The following STK31 variants were observed in gnomAD, a reference collection of about 807,000 sequenced individuals.
The protein encoded by STK31 is serine/threonine kinase 31, also known as serine/threonine-protein kinase 31.
STK31 carries 89 observed loss-of-function variants against 129.7 expected under a neutral mutation model. That is an observed-to-expected ratio of 0.69 (90% CI 0.58 to 0.82). STK31 has a LOEUF of 0.82. Ranked by LOEUF, STK31 falls within the 40% of genes least tolerant of loss-of-function variation. STK31 has a pLI of 0.00. For missense variants in STK31, 1,187 were observed against 1,176.4 expected, an observed-to-expected ratio of 1.01 and a Z score of -0.13; for synonymous variants, 448 against 395.3, an observed-to-expected ratio of 1.13 and a Z score of -1.58.
chr7:23,789,457 C>A (rs151198180), intron 21 of STK31, among the ~76,000 whole-genome samples: 4 of 151,930 alleles, frequency 2.6e-5, no homozygotes, highest in African/African-American at 9.7e-5. Context: ...TGAGCAATTC[C>A]CTTTGACTAG....
intron 10 of STK31, among the ~76,000 whole-genome samples, chr7:23,758,791 A>G (rs1789270760): frequency 6.6e-6 from 1 of 152,088 alleles, no homozygotes. Context: ...TGAGTGAGCA[A>G]TACTAACCTT....
At chr7:23,727,366 G>A (rs764926232) in intron 5 of STK31, 51 bp downstream of exon 5, 17 of 1,554,414 alleles carry the variant, frequency 1.1e-5, no homozygotes, top group Non-Finnish European at 1.5e-5. Context: ...TATTTATTGT[G>A]GTTCAAAAAT....
intron 22 of STK31, among the ~76,000 whole-genome samples, chr7:23,799,291 T>C (rs1294311432): frequency 1.1e-4 from 17 of 152,178 alleles, no homozygotes; most frequent in African/African-American, 7.2e-5. Flanking sequence ...AAGACAATCC[T>C]AAGCAGAAAG....
chr7:23,830,595 TGTGTGTGTGTGTG>T (rs1794486321), intron 23 of STK31, among the ~76,000 whole-genome samples: 4 of 106,582 alleles, frequency 3.8e-5, no homozygotes, highest in African/African-American at 1.4e-4. Context: ...TTCCATGTTG[TGTGTGTGTGTGTG>T]TGTGTGTGTG....
chr7:23,816,211 A>G (rs1185482905), intron 23 of STK31, among the ~76,000 whole-genome samples: 1 of 152,162 alleles, frequency 6.6e-6, no homozygotes, highest in Non-Finnish European at 1.5e-5. Context: ...GTGGAAGGGG[A>G]TAACAAAGAA....
chr7:23,731,708 T>C (rs1787442271), intron 6 of STK31, among the ~76,000 whole-genome samples: 2 of 152,198 alleles, frequency 1.3e-5, no homozygotes, highest in Admixed American at 6.5e-5. Flanking sequence ...GGTAGTTTGC[T>C]GAAGATCGAG....
intron 22 of STK31, among the ~76,000 whole-genome samples, chr7:23,814,610 T>C (rs911343121): frequency 2.0e-5 from 3 of 151,924 alleles, no homozygotes; most frequent in Non-Finnish European, 4.4e-5. Flanking sequence ...AGGGTAAGAG[T>C]GGTCATTGGC....
At chr7:23,718,186 A>G (rs1018406730) in intron 4 of STK31, among the ~76,000 whole-genome samples, 1 of 152,196 alleles carries the variant, frequency 6.6e-6, no homozygotes, top group African/African-American at 2.4e-5. Context: ...AAGTGAAGAA[A>G]ACGTATGTAC....
At chr7:23,825,899 T>C (rs549883709) in intron 23 of STK31, among the ~76,000 whole-genome samples, 1 of 152,292 alleles carries the variant, frequency 6.6e-6, no homozygotes, top group African/African-American at 2.4e-5. Flanking sequence ...TTCCATGTAG[T>C]TGAGTGGTTT....
At chr7:23,721,886 A>G in intron 4 of STK31, 1 of 436,874 alleles carries the variant, frequency 2.3e-6, no homozygotes, top group South Asian at 2.1e-5. Flanking sequence ...AAGCTTGTGC[A>G]TGCGTCACGT....
At chr7:23,736,540 C>T (rs117657517) in intron 7 of STK31, among the ~76,000 whole-genome samples, 5,905 of 28,146 alleles carry the variant, frequency 0.21, 231 homozygotes, top group Admixed American at 0.39. Flanking sequence ...GGGTGGGAGG[C>T]GGTGGACGGG....
chr7:23,809,738 T>C (rs548138787), intron 22 of STK31, among the ~76,000 whole-genome samples: 1 of 152,350 alleles, frequency 6.6e-6, no homozygotes, highest in African/African-American at 2.4e-5. Context: ...CTTCTATCTT[T>C]GCCTCCTATT....
At chr7:23,825,156 T>G (rs539363596) in intron 23 of STK31, among the ~76,000 whole-genome samples, 5 of 152,310 alleles carry the variant, frequency 3.3e-5, no homozygotes, top group African/African-American at 1.2e-4. Flanking sequence ...TTGATTGGAA[T>G]AGTTTCAGAA....
At chr7:23,809,860 A>G (rs910547401) in intron 22 of STK31, among the ~76,000 whole-genome samples, 2 of 152,180 alleles carry the variant, frequency 1.3e-5, no homozygotes, top group African/African-American at 4.8e-5. Flanking sequence ...GGTGTGTGGT[A>G]GGATATATCA....
intron 23 of STK31, among the ~76,000 whole-genome samples, chr7:23,826,961 T>C (rs138118778): frequency 0.14 from 20,649 of 151,746 alleles, 2,289 homozygotes; most frequent in African/African-American, 0.31. Flanking sequence ...GCTGAGAGAT[T>C]CACTGTTAGT....
In STK31 at chr7:23,804,312, T is replaced by C. The variant is rs1321773307; in HGVS notation, c.2761-10832T>C. Among the ~76,000 whole-genome samples the C allele has an allele frequency of 2.0e-5, 3 of 152,288 alleles. No individual in the cohort carries two copies. In the East Asian group the frequency reaches 5.8e-4, roughly 29 times the overall value. On this transcript the variant is annotated intron_variant, in intron 22 of 23. Transcript: ENST00000355870. ...TTTCTGTTACCATATTATACACTTA[T>C]TTATCTTTATTATTGTCTGCTTCTA...
intron 8 of STK31, among the ~76,000 whole-genome samples, chr7:23,738,465 G>T (rs1377125740): frequency 6.6e-6 from 1 of 152,144 alleles, no homozygotes; most frequent in Non-Finnish European, 1.5e-5. Context: ...TCTGCTCACT[G>T]CAACTTCTGC....
chr7:23,736,192 A>G (rs1319585896), intron 7 of STK31, among the ~76,000 whole-genome samples: 3 of 152,194 alleles, frequency 2.0e-5, no homozygotes, highest in African/African-American at 7.2e-5. Flanking sequence ...CCTAAATCTG[A>G]ATTATTCAGG....
At chr7:23,762,670 G>C (rs1789543373) in intron 10 of STK31, 131 bp from the exon 11 acceptor site, 2 of 1,006,476 alleles carry the variant, frequency 2.0e-6, no homozygotes, top group African/African-American at 3.4e-5. Context: ...GATCTAAGGA[G>C]AGAAATGTCC....
Sources: allele counts gnomAD v4.1 joint callset (sites outside exome capture counted in the v4.1 genomes callset), GRCh38; gene constraint gnomAD v4.1.1; transcripts MANE v1.5; gene names NCBI Gene and HGNC (gene_info 2026-07-23, HGNC 2026-07-21).